MSRB3: variants seen among roughly 807,000 people sequenced by gnomAD.
MSRB3 encodes methionine-R-sulfoxide reductase B3.
Under a neutral mutation model 21.0 loss-of-function variants are expected in MSRB3, and 13 were observed. That is an observed-to-expected ratio of 0.62 (90% CI 0.40 to 0.98). The LOEUF is 0.98. MSRB3 is among the 50% of genes least tolerant of loss of function. MSRB3 has a pLI of 0.00. For missense variants in MSRB3, 199 were observed against 230.3 expected (o/e 0.86, Z 0.88); for synonymous variants, 87 against 88.6 (o/e 0.98, Z 0.10).
intron 5 of MSRB3, among the ~76,000 whole-genome samples, chr12:65,429,362 T>A (rs906797801): frequency 3.3e-5 from 5 of 152,008 alleles, no homozygotes; most frequent in Non-Finnish European, 7.4e-5. Context: ...ACAAAGAGCT[T>A]GGGGGAGTGT....
intron 4 of MSRB3, among the ~76,000 whole-genome samples, chr12:65,346,669 G>A (rs1468092977): frequency 6.6e-6 from 1 of 152,138 alleles, no homozygotes; most frequent in Non-Finnish European, 1.5e-5. Flanking sequence ...CCATGCCTAT[G>A]TCCTGAATGG....
At chr12:65,341,370 G>GGA (rs58071061) in intron 4 of MSRB3, among the ~76,000 whole-genome samples, 13 of 150,978 alleles carry the variant, frequency 8.6e-5, no homozygotes, top group Non-Finnish European at 1.5e-4. Flanking sequence ...TTGAACTCAT[G>GGA]GAGAGAGAGA....
chr12:65,346,536 G>A (rs917553484), intron 4 of MSRB3, among the ~76,000 whole-genome samples: 1 of 152,072 alleles, frequency 6.6e-6, no homozygotes, highest in Non-Finnish European at 1.5e-5. Flanking sequence ...TCTGTAGGTT[G>A]ACTGTTCACT....
At chr12:65,457,371 G>T (rs1193663765) in intron 6 of MSRB3, among the ~76,000 whole-genome samples, 1 of 151,862 alleles carries the variant, frequency 6.6e-6, no homozygotes, top group Admixed American at 6.6e-5. Context: ...CCCTCCCCTA[G>T]CCCCCAATCA....
At chr12:65,293,493 C>T (rs779720297) in intron 1 of MSRB3, among the ~76,000 whole-genome samples, 2 of 152,202 alleles carry the variant, frequency 1.3e-5, no homozygotes, top group South Asian at 2.1e-4. Flanking sequence ...ATAAGCTACA[C>T]TCTTACCTCA....
intron 1 of MSRB3, among the ~76,000 whole-genome samples, chr12:65,296,418 C>T (rs1872968748): frequency 6.6e-6 from 1 of 152,188 alleles, no homozygotes; most frequent in South Asian, 2.1e-4. Flanking sequence ...TAGATGCTTT[C>T]AAAAACGTTC....
At chr12:65,342,258 A>G (rs906539981) in intron 4 of MSRB3, among the ~76,000 whole-genome samples, 2 of 151,900 alleles carry the variant, frequency 1.3e-5, no homozygotes, top group Non-Finnish European at 2.9e-5. Context: ...AATATATGCA[A>G]TCCATTTGAT....
intron 4 of MSRB3, among the ~76,000 whole-genome samples, chr12:65,339,357 T>A (rs1240325038): frequency 1.3e-5 from 2 of 152,230 alleles, no homozygotes; most frequent in East Asian, 3.9e-4. Flanking sequence ...GGGGCAAAAT[T>A]GTCTCTTGTT....
At chr12:65,428,133 GT>G (rs1269585921) in intron 5 of MSRB3, among the ~76,000 whole-genome samples, 1 of 152,090 alleles carries the variant, frequency 6.6e-6, no homozygotes, top group South Asian at 2.1e-4. Flanking sequence ...AAGAATAATG[GT>G]TTGTTATTTC....
intron 1 of MSRB3, chr12:65,284,271 A>G (rs1399171154): frequency 6.6e-6 from 1 of 152,258 alleles, no homozygotes; most frequent in East Asian, 1.9e-4. Context: ...TAGATAATTA[A>G]TTAAATTGGG....
intron 4 of MSRB3, among the ~76,000 whole-genome samples, chr12:65,362,823 A>G (rs1054948501): frequency 3.3e-5 from 5 of 152,152 alleles, no homozygotes; most frequent in African/African-American, 1.2e-4. Flanking sequence ...GTGTTCATGT[A>G]AATTGAAAGG....
At chr12:65,454,644 G>A (rs1883010330) in intron 6 of MSRB3, among the ~76,000 whole-genome samples, 1 of 152,182 alleles carries the variant, frequency 6.6e-6, no homozygotes, top group Non-Finnish European at 1.5e-5. Flanking sequence ...TTCAGTGGTA[G>A]GTTGGCTACA....
In MSRB3 at chr12:65,426,332, G is replaced by A. The variant is rs140660018; in HGVS notation, c.293-27396G>A. 4.4e-3 allele frequency among the ~76,000 whole-genome samples: 671 copies of A among 152,024 alleles called. 4 individuals carry two copies. Among genetic ancestry groups the A allele is most frequent in the African/African-American group, 0.015 (624 of 41,446 alleles). On this transcript the variant is annotated intron_variant, in intron 5 of 6. Transcript: ENST00000308259. Reference sequence around the variant, plus strand: ...TGGACAGATTTCCTGGGCATTCTTGGTTGGCAGTCCCGTCCTCCCCCTGCA... The same window carrying A: ...TGGACAGATTTCCTGGGCATTCTTGATTGGCAGTCCCGTCCTCCCCCTGCA...
chr12:65,447,181 G>A (rs78955754), intron 5 of MSRB3, among the ~76,000 whole-genome samples: 4,887 of 152,194 alleles, frequency 0.032, 152 homozygotes, highest in African/African-American at 0.071. Flanking sequence ...CAGAGGAAAG[G>A]CTTGCTAAGG....
At chr12:65,403,675 C>T (rs1880254350) in intron 5 of MSRB3, among the ~76,000 whole-genome samples, 1 of 152,186 alleles carries the variant, frequency 6.6e-6, no homozygotes, top group African/African-American at 2.4e-5. Flanking sequence ...CCTGCAGCAG[C>T]TTGGTGTCTG....
chr12:65,424,513 T>C (rs529609263), intron 5 of MSRB3, among the ~76,000 whole-genome samples: 1 of 152,210 alleles, frequency 6.6e-6, no homozygotes, highest in South Asian at 2.1e-4. Context: ...TGTGTTTCTA[T>C]TTTTGTGTAT....
intron 5 of MSRB3, chr12:65,420,057 C>T: frequency 1.9e-6 from 1 of 520,212 alleles, no homozygotes; most frequent in Non-Finnish European, 3.9e-6. Context: ...AGAGAGGACT[C>T]AGGCTTTGCT....
chr12:65,306,500 TA>T (rs1873663168), intron 1 of MSRB3, among the ~76,000 whole-genome samples: 1 of 152,204 alleles, frequency 6.6e-6, no homozygotes, highest in African/African-American at 2.4e-5. Flanking sequence ...ATGCAGGCAT[TA>T]AAATAATTCG....
chr12:65,396,691 CA>C (rs747120558), intron 5 of MSRB3, among the ~76,000 whole-genome samples: 53 of 23,192 alleles, frequency 2.3e-3, no homozygotes, highest in Middle Eastern at 0.031. Context: ...AACTCCATCT[CA>C]AAAAAAAAAA....
Sources: allele counts gnomAD v4.1 joint callset (sites outside exome capture counted in the v4.1 genomes callset), GRCh38; gene constraint gnomAD v4.1.1; transcripts MANE v1.5; gene names NCBI Gene and HGNC (gene_info 2026-07-23, HGNC 2026-07-21).